Variants in GGTA1 observed in about 807,000 individuals in gnomAD.
The protein encoded by GGTA1 is inactive N-acetyllactosaminide alpha-1,3-galactosyltransferase.
Under a neutral mutation model 2.6 loss-of-function variants are expected in GGTA1, and 5 were observed. That is an observed-to-expected ratio of 1.92 (90% CI 1.00 to 4.04). The LOEUF (loss-of-function observed/expected upper bound fraction) is 4.04, where lower values mean the gene tolerates loss of function less well. GGTA1 is among the 30% of genes most tolerant of loss of function. The pLI is 0.00. For missense variants in GGTA1, 50 were observed against 16.7 expected (o/e 2.99, Z -3.47); for synonymous variants, 17 against 5.0 (o/e 3.38, Z -3.19).
At chr9:121,487,267 CT>C (rs1207233472) in intron 1 of GGTA1, among the ~76,000 whole-genome samples, 2 of 152,130 alleles carry the variant, frequency 1.3e-5, no homozygotes, top group African/African-American at 4.8e-5. Flanking sequence ...ACCTCTGCCC[CT>C]GAGCCTCACG....
chr9:121,496,625 A>T (rs1319001056), intron 1 of GGTA1, among the ~76,000 whole-genome samples: 1 of 89,504 alleles, frequency 1.1e-5, no homozygotes, highest in African/African-American at 3.2e-5. Context: ...CCAGCTACTC[A>T]GGAGGCTGAG....
chr9:121,468,138 T>C (rs1828297029), intron 1 of GGTA1, among the ~76,000 whole-genome samples: 1 of 152,134 alleles, frequency 6.6e-6, no homozygotes, highest in Non-Finnish European at 1.5e-5. Flanking sequence ...TCATCTACAT[T>C]AGGTATTTCT....
chr9:121,495,401 G>T (rs1251058038), intron 1 of GGTA1, among the ~76,000 whole-genome samples: 1 of 152,088 alleles, frequency 6.6e-6, no homozygotes, highest in Non-Finnish European at 1.5e-5. Flanking sequence ...CAAAAAACTA[G>T]CTGGGCGTGG....
At chr9:121,465,019 CAAAA>C (rs1175876346) in intron 2 of GGTA1, among the ~76,000 whole-genome samples, 3 of 132,758 alleles carry the variant, frequency 2.3e-5, no homozygotes, top group Non-Finnish European at 5.1e-5. Context: ...AAAAAAAAAA[CAAAA>C]AACAACTCCT....
intron 7 of GGTA1, chr9:121,447,677 G>C (rs547618891): frequency 3.3e-5 from 5 of 152,060 alleles, no homozygotes; most frequent in Middle Eastern, 3.4e-3. Context: ...CCCACATGTG[G>C]GTTTCCTGAA....
exon 8 of GGTA1, chr9:121,447,391 C>T (rs1234465061): frequency 2.0e-5 from 3 of 152,676 alleles, no homozygotes; most frequent in East Asian, 1.9e-4. Flanking sequence ...GATGTGCTCC[C>T]CAGTGATCTT....
downstream of GGTA1, among the ~76,000 whole-genome samples, chr9:121,454,475 G>T (rs909332392): frequency 6.6e-6 from 1 of 152,196 alleles, no homozygotes; most frequent in Non-Finnish European, 1.5e-5. Flanking sequence ...TTCTGAGGTA[G>T]GTGCTATTTT....
At chr9:121,460,932 T>C (rs901398056) in intron 4 of GGTA1, among the ~76,000 whole-genome samples, 2 of 151,828 alleles carry the variant, frequency 1.3e-5, no homozygotes, top group African/African-American at 2.4e-5. Flanking sequence ...GACTTATTTA[T>C]CTGGATGTGG....
At chr9:121,487,300 T>G (rs1453246414) in intron 1 of GGTA1, among the ~76,000 whole-genome samples, 1 of 149,842 alleles carries the variant, frequency 6.7e-6, no homozygotes, top group Non-Finnish European at 1.5e-5. Flanking sequence ...AGGCTCAGGC[T>G]GCGCGCGGTG....
At chr9:121,480,059 T>C (rs1828607634) in intron 1 of GGTA1, among the ~76,000 whole-genome samples, 1 of 138,470 alleles carries the variant, frequency 7.2e-6, no homozygotes, top group Non-Finnish European at 1.7e-5. Flanking sequence ...TTCTTTTCTT[T>C]TCTTTTTTTT....
intron 1 of GGTA1, among the ~76,000 whole-genome samples, chr9:121,477,824 C>T (rs907642118): frequency 1.2e-4 from 18 of 151,924 alleles, no homozygotes; most frequent in African/African-American, 4.1e-4. Flanking sequence ...GTGATCTGCT[C>T]GCCTCAGCCT....
downstream of GGTA1, among the ~76,000 whole-genome samples, chr9:121,454,755 G>A (rs4527952): frequency 6.6e-6 from 1 of 152,098 alleles, no homozygotes; most frequent in African/African-American, 2.4e-5. Flanking sequence ...GCTCATGCCT[G>A]CAATCCCAGC....
chr9:121,458,063 C>T (rs1208675667), intron 5 of GGTA1, among the ~76,000 whole-genome samples: 3 of 151,540 alleles, frequency 2.0e-5, no homozygotes, highest in Non-Finnish European at 4.4e-5. Context: ...GCACCCACAA[C>T]CACTCCCAGC....
intron 1 of GGTA1, among the ~76,000 whole-genome samples, chr9:121,483,186 G>T (rs999688443): frequency 6.6e-6 from 1 of 152,116 alleles, no homozygotes; most frequent in East Asian, 1.9e-4. Context: ...TGGTAGGACA[G>T]GGCCCTTCAC....
chr9:121,458,532 C>T (rs1048004759), intron 5 of GGTA1, among the ~76,000 whole-genome samples: 17 of 151,624 alleles, frequency 1.1e-4, no homozygotes, highest in South Asian at 2.1e-4. Flanking sequence ...GAGGCTGAGG[C>T]GGGAGGATCA....
chr9:121,460,107 G>A lies in GGTA1; in HGVS notation c.295C>T (p.Gln99Ter), dbSNP rs754894211. 2.2e-6 allele frequency: 1 copy of A among 456,680 alleles called. No homozygotes were observed. Among genetic ancestry groups the A allele is most frequent in the Non-Finnish European group, 4.4e-6 (1 of 226,966 alleles). 28.3% of individuals were successfully genotyped at this position (456,680 alleles called of 1,614,324 possible). Residue 99 changes from glutamine to a stop codon, truncating the protein, a stop_gained, in exon 5 of 6, where the codon CAA becomes TAA. Transcript: ENST00000481799. LOFTEE classifies it high-confidence loss of function. Reference sequence around the variant, plus strand: ...GGAGTGACGCCGCTTTTCTTACTTTGGATTAAACCAGTCCCATAGCCGAAG... The same window carrying A: ...GGAGTGACGCCGCTTTTCTTACTTTAGATTAAACCAGTCCCATAGCCGAAG... ...QSFGYGTGLI[Q>*]T
downstream of GGTA1, among the ~76,000 whole-genome samples, chr9:121,451,221 C>T (rs1353727295): frequency 6.6e-6 from 1 of 152,092 alleles, no homozygotes; most frequent in Non-Finnish European, 1.5e-5. Context: ...TGTTTTGAGA[C>T]AGAGTCTGCT....
chr9:121,451,098 A>C (rs975296002), downstream of GGTA1, among the ~76,000 whole-genome samples: 1 of 151,986 alleles, frequency 6.6e-6, no homozygotes, highest in African/African-American at 2.4e-5. Flanking sequence ...GGAAAATTGG[A>C]CTTTTAGTTT....
At position 121,477,212 on chromosome 9, in the gene GGTA1, A is replaced by T. The variant is rs145586446; in HGVS notation, c.-9-9281T>A. Among the ~76,000 whole-genome samples the T allele has an allele frequency of 2.0e-5, 3 of 152,370 alleles. No homozygotes were observed. In the East Asian group the frequency reaches 5.8e-4, roughly 29 times the overall value. On this transcript the variant is annotated intron_variant, in intron 1 of 5. Coordinates refer to ENST00000481799, the MANE Select transcript of GGTA1 (RefSeq NM_001382585.1). ...GACTTAGAGAAGTGGCATCGCCAATAACAAATTGGGAAGCTAAAATAAATT... is the reference window on the plus strand; with the variant it reads ...GACTTAGAGAAGTGGCATCGCCAATTACAAATTGGGAAGCTAAAATAAATT...
Sources: allele counts gnomAD v4.1 joint callset (sites outside exome capture counted in the v4.1 genomes callset), GRCh38; gene constraint gnomAD v4.1.1; transcripts MANE v1.5; gene names NCBI Gene and HGNC (gene_info 2026-07-23, HGNC 2026-07-21).